NRXN3: variants seen among roughly 807,000 people sequenced by gnomAD.
NRXN3 encodes the protein neurexin 3, also known as neurexin III.
NRXN3 carries 32 observed loss-of-function variants against 137.6 expected under a neutral mutation model. That is an observed-to-expected ratio of 0.23 (90% CI 0.18 to 0.31). NRXN3 has a LOEUF of 0.31. Ranked by LOEUF, NRXN3 falls within the 10% of genes least tolerant of loss-of-function variation. The pLI is 1.00. For synonymous variants in NRXN3, 798 were observed against 784.5 expected, an observed-to-expected ratio of 1.02 and a Z score of -0.29; for missense variants, 1,574 against 2,062.5, an observed-to-expected ratio of 0.76 and a Z score of 4.59.
chr14:79,105,714 G>A (rs2052300288), intron 15 of NRXN3, among the ~76,000 whole-genome samples: 1 of 152,110 alleles, frequency 6.6e-6, no homozygotes, highest in South Asian at 2.1e-4. Flanking sequence ...GGAGCTAACA[G>A]AAAAGGTTGT....
intron 15 of NRXN3, among the ~76,000 whole-genome samples, chr14:79,252,168 G>A (rs1437178642): frequency 6.6e-6 from 1 of 152,110 alleles, no homozygotes; most frequent in Non-Finnish European, 1.5e-5. Context: ...GGGTTAATCA[G>A]ATGCCTCCAA....
At chr14:78,786,695 T>A in intron 8 of NRXN3, among the ~76,000 whole-genome samples, 1 of 152,172 alleles carries the variant, frequency 6.6e-6, no homozygotes, top group East Asian at 1.9e-4. Context: ...ACAAAAGCAA[T>A]GTTCTGACTA....
chr14:78,908,717 G>A (rs910052887), intron 10 of NRXN3, among the ~76,000 whole-genome samples: 8 of 151,996 alleles, frequency 5.3e-5, no homozygotes, highest in African/African-American at 1.7e-4. Context: ...GGTTTGAATA[G>A]AGGCCCTATC....
At chr14:78,531,005 T>G (rs1398174324) in intron 4 of NRXN3, among the ~76,000 whole-genome samples, 1 of 152,218 alleles carries the variant, frequency 6.6e-6, no homozygotes, top group Non-Finnish European at 1.5e-5. Context: ...CTGGACTCTG[T>G]AAGTAGCCCT....
intron 6 of NRXN3, among the ~76,000 whole-genome samples, chr14:78,653,777 A>C (rs1601931961): frequency 6.6e-6 from 1 of 150,754 alleles, no homozygotes; most frequent in African/African-American, 2.4e-5. Flanking sequence ...AGAAAGCTTC[A>C]AAAGTCTGTC....
intron 15 of NRXN3, among the ~76,000 whole-genome samples, chr14:79,176,255 A>G (rs1427612297): frequency 6.6e-6 from 1 of 152,224 alleles, no homozygotes; most frequent in Non-Finnish European, 1.5e-5. Context: ...AAATCTGATA[A>G]TATTTTTTTC....
At chr14:78,859,847 A>C (rs1360362052) in intron 10 of NRXN3, among the ~76,000 whole-genome samples, 1 of 152,120 alleles carries the variant, frequency 6.6e-6, no homozygotes, top group African/African-American at 2.4e-5. Flanking sequence ...GAAGACACAA[A>C]GTCACTTTAG....
At chr14:79,410,532 C>A (rs185918497) in intron 15 of NRXN3, among the ~76,000 whole-genome samples, 8 of 151,194 alleles carry the variant, frequency 5.3e-5, no homozygotes, top group Non-Finnish European at 1.0e-4. Context: ...GCCAAAATAT[C>A]CAGAAGGACA....
chr14:79,104,232 C>T (rs2051926863), intron 15 of NRXN3, among the ~76,000 whole-genome samples: 1 of 152,178 alleles, frequency 6.6e-6, no homozygotes, highest in Admixed American at 6.6e-5. Context: ...GTCAATAGGA[C>T]ATGTGGAAAC....
At chr14:78,199,683 G>A (rs1379608477) in intron 1 of NRXN3, among the ~76,000 whole-genome samples, 1 of 152,168 alleles carries the variant, frequency 6.6e-6, no homozygotes. Context: ...AATGTGCACT[G>A]GGCCTGGAAC....
intron 17 of NRXN3, among the ~76,000 whole-genome samples, chr14:79,684,814 A>C (rs2098688355): frequency 6.6e-6 from 1 of 152,082 alleles, no homozygotes; most frequent in African/African-American, 2.4e-5. Context: ...ATGAGAGGAG[A>C]TGGGGATGGG....
intron 8 of NRXN3, among the ~76,000 whole-genome samples, chr14:78,801,131 C>A (rs986816704): frequency 6.6e-6 from 1 of 152,148 alleles, no homozygotes; most frequent in Non-Finnish European, 1.5e-5. Flanking sequence ...GCCATCCTGG[C>A]TAACACGATG....
chr14:79,172,638 G>C (rs758189159), intron 15 of NRXN3, among the ~76,000 whole-genome samples: 11 of 152,136 alleles, frequency 7.2e-5, no homozygotes, highest in African/African-American at 1.2e-4. Context: ...CTATGGTTTT[G>C]AGTGGTGACA....
At chr14:79,264,487 C>A (rs1210016346) in intron 15 of NRXN3, among the ~76,000 whole-genome samples, 1 of 151,702 alleles carries the variant, frequency 6.6e-6, no homozygotes, top group East Asian at 1.9e-4. Flanking sequence ...CTCTCCTTGG[C>A]TTGCAAATGG....
At chr14:78,396,661 C>A (rs985643327) in intron 4 of NRXN3, among the ~76,000 whole-genome samples, 12 of 152,136 alleles carry the variant, frequency 7.9e-5, no homozygotes, top group African/African-American at 2.9e-4. Flanking sequence ...CTTCCTCTGG[C>A]CTCTATGGCT....
chr14:78,594,273 C>T (rs1042626410), intron 4 of NRXN3, among the ~76,000 whole-genome samples: 1 of 152,102 alleles, frequency 6.6e-6, no homozygotes, highest in African/African-American at 2.4e-5. Context: ...GACAAGGCGC[C>T]GAGGGGTGCT....
chr14:79,659,403 T>C (rs1162598831), intron 16 of NRXN3, among the ~76,000 whole-genome samples: 1 of 152,180 alleles, frequency 6.6e-6, no homozygotes, highest in Non-Finnish European at 1.5e-5. Flanking sequence ...TTATAATATC[T>C]GGTTACAAAG....
intron 2 of NRXN3, among the ~76,000 whole-genome samples, chr14:78,262,371 C>T (rs1399264993): frequency 2.0e-5 from 3 of 151,964 alleles, no homozygotes; most frequent in Non-Finnish European, 4.4e-5. Context: ...CACACATGGC[C>T]CTCTCCTTCC....
intron 17 of NRXN3, among the ~76,000 whole-genome samples, chr14:79,676,518 ATATT>A (rs970246474): frequency 1.3e-4 from 19 of 151,968 alleles, no homozygotes; most frequent in African/African-American, 4.1e-4. Context: ...CATAAGGACT[ATATT>A]TAATAATATT....
Sources: allele counts gnomAD v4.1 joint callset (sites outside exome capture counted in the v4.1 genomes callset), GRCh38; gene constraint gnomAD v4.1.1; transcripts MANE v1.5; gene names NCBI Gene and HGNC (gene_info 2026-07-23, HGNC 2026-07-21).